Variants in INTS8 observed in about 807,000 individuals in gnomAD.
INTS8 encodes the protein integrator complex subunit 8, also known as protein kaonashi-1.
A neutral mutation model predicts 138.9 loss-of-function variants in INTS8; 47 were observed. That is an observed-to-expected ratio of 0.34 (90% CI 0.27 to 0.43). The LOEUF (loss-of-function observed/expected upper bound fraction) is 0.43. Ranked by LOEUF, INTS8 falls within the 20% of genes least tolerant of loss-of-function variation. INTS8 has a pLI of 1.00. For synonymous variants in INTS8, 392 were observed against 400.9 expected (o/e 0.98, Z 0.27); for missense variants, 996 against 1,173.0 (o/e 0.85, Z 2.20).
intron 16 of INTS8, among the ~76,000 whole-genome samples, chr8:94,863,367 T>A (rs1039226554): frequency 3.9e-5 from 6 of 152,254 alleles, no homozygotes; most frequent in Admixed American, 2.0e-4. Context: ...TTTGTCACAT[T>A]AGCCAGGATG....
At chr8:94,869,657 T>A (rs772261919) in intron 20 of INTS8, among the ~76,000 whole-genome samples, 17 of 152,092 alleles carry the variant, frequency 1.1e-4, no homozygotes, top group Middle Eastern at 6.8e-3. Flanking sequence ...CAAACACAGC[T>A]AATTTTTGTA....
chr8:94,832,081 A>G lies in INTS8; in HGVS notation c.660A>G (p.Leu220=), dbSNP rs1814738820. ...TTTATGTCCATACGATGAGAACTCT[A>G]GATTTATTGGCCATGGAACCAGGCA... is the stretch of plus-strand genomic sequence containing the variant. ...KDLYVHTMRT[L]DLLAMEPGMV... is the part of the protein sequence containing the mutation. Residue 220 remains leucine, a synonymous_variant, in exon 6 of 27, where the codon CTA becomes CTG. Coordinates refer to ENST00000523731, the MANE Select transcript of INTS8 (RefSeq NM_017864.4). 1.9e-6 allele frequency: 3 copies of G among 1,613,854 alleles called. No individual in the cohort carries two copies. The highest frequency in any genetic ancestry group is 1.7e-6 in the Non-Finnish European group (2 of 1,179,822).
chr8:94,825,142 T>C, intron 2 of INTS8, 75 bp downstream of exon 2: 2 of 1,052,424 alleles, frequency 1.9e-6, no homozygotes, highest in Non-Finnish European at 2.8e-6. Flanking sequence ...TATGCTTTTA[T>C]GATATCGGCT....
At chr8:94,843,382 A>G (rs529706213) in intron 10 of INTS8, among the ~76,000 whole-genome samples, 1 of 152,194 alleles carries the variant, frequency 6.6e-6, no homozygotes, top group Admixed American at 6.5e-5. Flanking sequence ...CCTGGTAAAC[A>G]TAGTGAAACT....
At chr8:94,872,965 C>G (rs1445696785) in intron 21 of INTS8, among the ~76,000 whole-genome samples, 1 of 152,172 alleles carries the variant, frequency 6.6e-6, no homozygotes, top group African/African-American at 2.4e-5. Context: ...AGTCTTGTTT[C>G]ACGTGTTCCC....
At chr8:94,870,454 A>T (rs1346055022) in intron 20 of INTS8, among the ~76,000 whole-genome samples, 2 of 152,222 alleles carry the variant, frequency 1.3e-5, no homozygotes, top group Non-Finnish European at 2.9e-5. Flanking sequence ...GACCCAGAGA[A>T]AACAAAATAT....
Position 94,838,517 on chromosome 8 carries a change from T to G in INTS8, c.916T>G (p.Cys306Gly), listed in dbSNP as rs562023912. The G allele has an allele frequency of 6.2e-7, 1 of 1,613,506 alleles. No individual in the cohort carries two copies. The highest frequency in any genetic ancestry group is 1.1e-5 in the South Asian group (1 of 91,076). The stretch of plus-strand genomic sequence containing the variant: ...AGATGAGAAGCGGTTAGCTGGCTAT[T>G]GTCAAGCATGTGATGTTCTTGTACC... ...TIDEKRLAGYCQACDVLVPSS... is the reference protein window; with the variant it reads ...TIDEKRLAGYGQACDVLVPSS... Residue 306 changes from cysteine to glycine, a missense_variant, in exon 8 of 27, where the codon TGT becomes GGT. Cys to Gly is a radical substitution (Grantham distance 159, BLOSUM62 -3). Coordinates refer to ENST00000523731, the MANE Select transcript of INTS8 (RefSeq NM_017864.4).
rs1458218230 is a variant in INTS8, at chr8:94,854,485, T to C, written c.1752+570T>C. On this transcript the variant is annotated intron_variant, in intron 14 of 26. Transcript: ENST00000523731. Reference sequence around the variant, plus strand: ...TTCTTTAGGATTCAGCTAGTAAAGATTGTGTACCAAGATTAAAAAACAAAC... The same window carrying C: ...TTCTTTAGGATTCAGCTAGTAAAGACTGTGTACCAAGATTAAAAAACAAAC... Among the ~76,000 whole-genome samples the C allele has an allele frequency of 2.0e-5, 3 of 152,320 alleles. No individual in the cohort carries two copies. The East Asian group carries it at 5.8e-4, about 29-fold the overall frequency.
chr8:94,879,051 T>C (rs973256147), intron 26 of INTS8, among the ~76,000 whole-genome samples: 1 of 152,236 alleles, frequency 6.6e-6, no homozygotes, highest in Non-Finnish European at 1.5e-5. Flanking sequence ...GGTGTATTAC[T>C]GCTCTCAAAT....
intron 1 of INTS8, among the ~76,000 whole-genome samples, chr8:94,823,769 C>G (rs193036880): frequency 1.4e-4 from 21 of 152,362 alleles, no homozygotes; most frequent in African/African-American, 4.8e-4. Context: ...CTCCTACCCC[C>G]GGAGGGGAGG....
At chr8:94,877,661 AAGT>A (rs1240399521) in intron 26 of INTS8, among the ~76,000 whole-genome samples, 1 of 152,182 alleles carries the variant, frequency 6.6e-6, no homozygotes, top group Non-Finnish European at 1.5e-5. Context: ...TGAGCTTTAC[AAGT>A]CCTTGCCAGC....
At chr8:94,864,280 A>G (rs1816096813) in intron 16 of INTS8, among the ~76,000 whole-genome samples, 1 of 152,160 alleles carries the variant, frequency 6.6e-6, no homozygotes, top group Non-Finnish European at 1.5e-5. Flanking sequence ...AGCCGCCTTA[A>G]GCAGTAGGGA....
intron 8 of INTS8, among the ~76,000 whole-genome samples, chr8:94,839,552 T>A (rs1335955348): frequency 6.6e-6 from 1 of 152,214 alleles, no homozygotes; most frequent in African/African-American, 2.4e-5. Flanking sequence ...GGAAACAAGA[T>A]GGCACTTCTT....
chr8:94,858,696 G>A (rs1193859972), intron 15 of INTS8, among the ~76,000 whole-genome samples: 1 of 152,156 alleles, frequency 6.6e-6, no homozygotes, highest in Non-Finnish European at 1.5e-5. Context: ...AGAGGTTGAG[G>A]AATTTGCCCA....
At position 94,873,379 on chromosome 8, in the gene INTS8, A is replaced by G; in HGVS notation, c.2539A>G (p.Asn847Asp). 1 of 1,611,952 alleles carries G rather than the reference A, an allele frequency of 6.2e-7. No homozygotes were observed. Among genetic ancestry groups the G allele is most frequent in the Non-Finnish European group, 8.5e-7 (1 of 1,178,008 alleles). ...TGTCTGTTTTTCTGTTTCAGCAACG[A>G]ATCAGTATTCAGCAGCTCTTCACTA... is the stretch of plus-strand genomic sequence containing the variant. ...IIQADIYFAT[N>D]QYSAALHYYL... Residue 847 changes from asparagine (N) to aspartate (D), a missense_variant, in exon 22 of 27, where the codon AAT becomes GAT. Asn to Asp is a conservative substitution (Grantham distance 23). Coordinates refer to ENST00000523731, the MANE Select transcript of INTS8 (RefSeq NM_017864.4).
chr8:94,876,505 C>T lies in INTS8; in HGVS notation c.2871+16C>T, dbSNP rs1285333229. 6.6e-7 allele frequency: 1 copy of T among 1,505,256 alleles called. No individual in the cohort carries two copies. Among genetic ancestry groups the T allele is most frequent in the Non-Finnish European group, 9.1e-7 (1 of 1,094,440 alleles). 93.2% of individuals were successfully genotyped at this position (1,505,256 alleles called of 1,614,324 possible). On this transcript the variant is annotated intron_variant, in intron 26 of 26. Transcript: ENST00000523731. ...ACAAATTGCAGTAAGTTACCTTATG[C>T]CTTTCTTCAGTGGTACAGTTTCCAG...
intron 20 of INTS8, among the ~76,000 whole-genome samples, chr8:94,871,056 CGAG>C (rs1342811350): frequency 6.6e-6 from 1 of 152,070 alleles, no homozygotes; most frequent in Non-Finnish European, 1.5e-5. Flanking sequence ...TGAAGCATCT[CGAG>C]GGGAGTCAGT....
chr8:94,881,509 G>A lies in INTS8; in HGVS notation c.*1275G>A. ...TAAGTTTTAAAATCAGAATGGCAGTGTAACTTGTGAATTGGCTAGGGCAAT... is the reference window on the plus strand; with the variant it reads ...TAAGTTTTAAAATCAGAATGGCAGTATAACTTGTGAATTGGCTAGGGCAAT... On this transcript the variant is annotated 3_prime_UTR_variant, in exon 27 of 27. Transcript: ENST00000523731. The A allele has an allele frequency of 1.2e-6, 1 of 854,562 alleles. No homozygotes were observed. The highest frequency in any genetic ancestry group is 1.9e-5 in the South Asian group (1 of 51,762). 52.9% of individuals were successfully genotyped at this position (854,562 alleles called of 1,614,324 possible). A position where few individuals can be genotyped will look rare whatever the true frequency, so the allele number is the denominator to read the frequency against.
At position 94,876,481 on chromosome 8, in the gene INTS8, C is replaced by G. The variant is rs867085893; in HGVS notation, c.2863C>G (p.Gln955Glu). ...TAAAAGAGGAGAAACAGATAAAAGA[C>G]AAATTGCAGTAAGTTACCTTATGCC... ...HHKRGETDKR[Q>E]IAIKAIGQTE... The change falls in exon 26 of 27, where the codon CAA (glutamine) becomes GAA (glutamate). Residue 955 changes from glutamine to glutamate, a missense_variant. Transcript: ENST00000523731. The G allele has an allele frequency of 7.7e-6, 12 of 1,552,770 alleles. No individual in the cohort carries two copies. In the Middle Eastern group the frequency reaches 1.0e-3, roughly 131 times the overall value.
Sources: allele counts gnomAD v4.1 joint callset (sites outside exome capture counted in the v4.1 genomes callset), GRCh38; gene constraint gnomAD v4.1.1; transcripts MANE v1.5; gene names NCBI Gene and HGNC (gene_info 2026-07-23, HGNC 2026-07-21).